The following GAP43 variants were observed in gnomAD, a reference collection of about 807,000 sequenced individuals.
GAP43 encodes growth associated protein 43.
In GAP43, 6 loss-of-function variants were observed where a neutral mutation model predicts 18.6. The ratio of observed to expected loss-of-function variants is 0.32; its 90% confidence interval spans 0.18 to 0.64. GAP43 has a LOEUF of 0.64. Among genes scored for constraint, GAP43 ranks in the 30% least tolerant of loss-of-function variants. GAP43 has a pLI of 0.78. For missense variants in GAP43, 292 were observed against 295.5 expected (o/e 0.99, Z 0.09); for synonymous variants, 115 against 111.4 (o/e 1.03, Z -0.20).
intron 2 of GAP43, among the ~76,000 whole-genome samples, chr3:115,715,806 C>T (rs1008347791): frequency 3.3e-5 from 5 of 152,094 alleles, no homozygotes; most frequent in East Asian, 1.9e-4. Context: ...AGCTGTGGAC[C>T]GGACTCCCTG....
intron 2 of GAP43, among the ~76,000 whole-genome samples, chr3:115,708,940 G>GT (rs3086974): frequency 0.058 from 5,745 of 99,574 alleles, 133 homozygotes; most frequent in Non-Finnish European, 0.069. Flanking sequence ...AACTGGCTGG[G>GT]TTTTTTTTTT....
At chr3:115,681,380 G>A (rs1354564560) in intron 2 of GAP43, among the ~76,000 whole-genome samples, 4 of 152,044 alleles carry the variant, frequency 2.6e-5, no homozygotes, top group Admixed American at 6.6e-5. Flanking sequence ...CTCTATTAAG[G>A]TGTTATGTTT....
intron 1 of GAP43, among the ~76,000 whole-genome samples, chr3:115,643,774 A>C (rs57863974): frequency 0.18 from 27,226 of 151,882 alleles, 2,491 homozygotes; most frequent in Admixed American, 0.24. Context: ...CAAGATACTT[A>C]TTACAATCTG....
chr3:115,702,684 G>C (rs910458007), intron 2 of GAP43, among the ~76,000 whole-genome samples: 1 of 152,016 alleles, frequency 6.6e-6, no homozygotes, highest in Non-Finnish European at 1.5e-5. Flanking sequence ...GTGTTGTTTT[G>C]CAATCAGGGG....
intron 1 of GAP43, among the ~76,000 whole-genome samples, chr3:115,653,792 C>T (rs1708549449): frequency 6.6e-6 from 1 of 152,088 alleles, no homozygotes; most frequent in African/African-American, 2.4e-5. Flanking sequence ...GTAATGCCAT[C>T]CAAATGTAGG....
At chr3:115,632,429 A>G (rs1708271564) in intron 1 of GAP43, among the ~76,000 whole-genome samples, 1 of 152,046 alleles carries the variant, frequency 6.6e-6, no homozygotes, top group Admixed American at 6.5e-5. Context: ...GTAATCCTAA[A>G]CCTTTCCAAA....
Position 115,663,427 on chromosome 3 carries a change from A to T in GAP43, c.31-12586A>T, listed in dbSNP as rs527581086. The T allele has an allele frequency of 8.0e-5, 49 of 610,840 alleles. No homozygotes were observed. The African/African-American group carries it at 9.3e-4, about 12-fold the overall frequency. 37.8% of individuals were successfully genotyped at this position (610,840 alleles called of 1,614,324 possible). ...CATTCATCTGCTTTTCTCATTTATTAAATAGCCATAGTTCCTGACCTGATG... is the reference window on the plus strand; with the variant it reads ...CATTCATCTGCTTTTCTCATTTATTTAATAGCCATAGTTCCTGACCTGATG... On this transcript the variant is annotated intron_variant, in intron 1 of 2. Transcript: ENST00000305124.
intron 2 of GAP43, among the ~76,000 whole-genome samples, chr3:115,692,129 T>TA (rs1709123371): frequency 6.6e-6 from 1 of 152,196 alleles, no homozygotes; most frequent in African/African-American, 2.4e-5. Context: ...TCAGATACTC[T>TA]ACTGGGACCA....
intron 2 of GAP43, among the ~76,000 whole-genome samples, chr3:115,683,303 G>A (rs1708988465): frequency 6.6e-6 from 1 of 152,000 alleles, no homozygotes; most frequent in African/African-American, 2.4e-5. Flanking sequence ...ATTAGATAAT[G>A]GGCTTAAGGG....
chr3:115,624,861 G>GAAAA (rs1708165711), intron 1 of GAP43, among the ~76,000 whole-genome samples: 1 of 147,838 alleles, frequency 6.8e-6, no homozygotes, highest in Non-Finnish European at 1.5e-5. Flanking sequence ...ATGGGTGTGG[G>GAAAA]ATACGGGTGA....
At chr3:115,690,194 G>A (rs1284634601) in intron 2 of GAP43, among the ~76,000 whole-genome samples, 1 of 152,158 alleles carries the variant, frequency 6.6e-6, no homozygotes, top group African/African-American at 2.4e-5. Context: ...GTGGCAGATG[G>A]GGCACAGCTC....
In GAP43 at chr3:115,641,981, A is replaced by G. The variant is rs575703707; in HGVS notation, c.30+18262A>G. 3.2e-3 allele frequency among the ~76,000 whole-genome samples: 487 copies of G among 152,096 alleles called. 2 individuals are homozygous for G. The highest frequency in any genetic ancestry group is 0.011 in the African/African-American group (456 of 41,512). ...AAGCCTGGGGAGCAGATTTTGAAACACTGATCTACAGCCAGTCCTTCATGG... is the reference window on the plus strand; with the variant it reads ...AAGCCTGGGGAGCAGATTTTGAAACGCTGATCTACAGCCAGTCCTTCATGG... On this transcript the variant is annotated intron_variant, in intron 1 of 2. Transcript: ENST00000305124.
At chr3:115,684,927 G>A (rs980387184) in intron 2 of GAP43, among the ~76,000 whole-genome samples, 5 of 152,146 alleles carry the variant, frequency 3.3e-5, no homozygotes, top group African/African-American at 7.2e-5. Flanking sequence ...TTTCATTCAA[G>A]TTAACACACA....
chr3:115,707,109 A>AATTTT (rs1481947334), intron 2 of GAP43, among the ~76,000 whole-genome samples: 1 of 152,186 alleles, frequency 6.6e-6, no homozygotes, highest in East Asian at 1.9e-4. Context: ...GTCATATTAT[A>AATTTT]ATGGCCAACA....
chr3:115,706,483 T>C (rs1453358588), intron 2 of GAP43, among the ~76,000 whole-genome samples: 2 of 152,082 alleles, frequency 1.3e-5, no homozygotes, highest in Non-Finnish European at 2.9e-5. Flanking sequence ...AAAGATAAGG[T>C]TTTTGTTTGT....
intron 1 of GAP43, among the ~76,000 whole-genome samples, chr3:115,635,322 G>A: frequency 6.6e-6 from 1 of 152,072 alleles, no homozygotes; most frequent in Non-Finnish European, 1.5e-5. Flanking sequence ...AAAGACACAA[G>A]GTGGTAGCTT....
chr3:115,664,070 G>A (rs1009767750), intron 1 of GAP43, among the ~76,000 whole-genome samples: 13 of 152,000 alleles, frequency 8.6e-5, no homozygotes. Context: ...AGTACCCATT[G>A]CATAGTTTTG....
intron 1 of GAP43, among the ~76,000 whole-genome samples, chr3:115,640,088 T>G (rs1708377246): frequency 6.6e-6 from 1 of 152,042 alleles, no homozygotes; most frequent in African/African-American, 2.4e-5. Context: ...GAAAATAAAC[T>G]TTGGAAATAC....
chr3:115,708,752 C>T (rs933042940), intron 2 of GAP43, among the ~76,000 whole-genome samples: 1 of 152,056 alleles, frequency 6.6e-6, no homozygotes, highest in Non-Finnish European at 1.5e-5. Flanking sequence ...GCAGGTGGGG[C>T]TGTTAGCAGC....
Sources: gnomAD v4.1 joint callset for allele counts (sites outside exome capture counted in the v4.1 genomes callset) on GRCh38, gnomAD v4.1.1 for gene constraint, MANE v1.5 for transcripts, NCBI Gene and HGNC (gene_info 2026-07-23, HGNC 2026-07-21) for gene names.